Variants in CADPS2 observed in about 807,000 individuals in gnomAD.
CADPS2 encodes calcium dependent secretion activator 2.
CADPS2 carries 93 observed loss-of-function variants against 172.5 expected under a neutral mutation model. The ratio of observed to expected loss-of-function variants is 0.54; its 90% CI spans 0.46 to 0.64. The LOEUF (loss-of-function observed/expected upper bound fraction) is 0.64, where lower values mean the gene tolerates loss of function less well. Among genes scored for constraint, CADPS2 ranks in the 30% least tolerant of loss-of-function variants. CADPS2 has a pLI of 0.00. For synonymous variants in CADPS2, 546 were observed against 555.2 expected, an observed-to-expected ratio of 0.98 and a Z score of 0.23; for missense variants, 1,420 against 1,565.9, an observed-to-expected ratio of 0.91 and a Z score of 1.57.
intron 2 of CADPS2, among the ~76,000 whole-genome samples, chr7:122,723,025 T>C (rs1487604955): frequency 6.6e-6 from 1 of 151,942 alleles, no homozygotes; most frequent in Non-Finnish European, 1.5e-5. Flanking sequence ...ATACAAAAAT[T>C]AATTCAAGAT....
At chr7:122,379,890 G>A (rs1432124230) in intron 24 of CADPS2, among the ~76,000 whole-genome samples, 1 of 152,076 alleles carries the variant, frequency 6.6e-6, no homozygotes, top group East Asian at 1.9e-4. Flanking sequence ...GAAATAAAAT[G>A]AGCTCCCAAT....
intron 17 of CADPS2, among the ~76,000 whole-genome samples, chr7:122,427,986 C>A (rs2049383074): frequency 6.6e-6 from 1 of 152,038 alleles, no homozygotes; most frequent in Non-Finnish European, 1.5e-5. Flanking sequence ...TAAAGTTTCG[C>A]ATGTTTTTAT....
chr7:122,353,457 T>A (rs2038953748), intron 27 of CADPS2, among the ~76,000 whole-genome samples: 1 of 152,128 alleles, frequency 6.6e-6, no homozygotes, highest in Non-Finnish European at 1.5e-5. Context: ...AGACAGTTTC[T>A]TCTTCCTTCC....
intron 7 of CADPS2, among the ~76,000 whole-genome samples, chr7:122,561,624 T>C (rs2065792894): frequency 6.6e-6 from 1 of 152,150 alleles, no homozygotes; most frequent in South Asian, 2.1e-4. Flanking sequence ...AGAGCTATTG[T>C]GTAGTAGACA....
intron 2 of CADPS2, chr7:122,701,669 G>A (rs1297057963): frequency 2.2e-6 from 1 of 450,588 alleles, no homozygotes; most frequent in Non-Finnish European, 3.9e-6. Context: ...TCAAATAGCT[G>A]GGCATGATAA....
At chr7:122,768,119 T>G (rs1201392987) in intron 1 of CADPS2, among the ~76,000 whole-genome samples, 1 of 152,028 alleles carries the variant, frequency 6.6e-6, no homozygotes, top group African/African-American at 2.4e-5. Flanking sequence ...CTTAATAAAG[T>G]GAGGTTTAAA....
At chr7:122,578,659 T>G (rs933094551) in intron 7 of CADPS2, among the ~76,000 whole-genome samples, 2 of 152,140 alleles carry the variant, frequency 1.3e-5, no homozygotes, top group Non-Finnish European at 2.9e-5. Flanking sequence ...GAGTCTGATT[T>G]TTATTCCAAA....
intron 7 of CADPS2, among the ~76,000 whole-genome samples, chr7:122,564,338 T>TC (rs1335009911): frequency 2.0e-5 from 3 of 152,168 alleles, no homozygotes; most frequent in East Asian, 3.9e-4. Context: ...GGAGTCTCAC[T>TC]CTGTTGCCCA....
Position 122,522,627 on chromosome 7 carries a change from C to T in CADPS2, c.1476-9312G>A, listed in dbSNP as rs149353974. ...ACAATAAATTATTATTAACTATAGT[C>T]ACCCTATTGTGCTATTAAACAGTAG... On this transcript the variant is annotated intron_variant, in intron 8 of 29. Transcript: ENST00000449022. Among the ~76,000 whole-genome samples the T allele has an allele frequency of 2.1e-3, 314 of 152,202 alleles. 3 individuals carry two copies. The highest frequency in any genetic ancestry group is 7.3e-3 in the African/African-American group (305 of 41,546).
chr7:122,354,127 T>C (rs1053700077), intron 27 of CADPS2: 2 of 152,198 alleles, frequency 1.3e-5, no homozygotes, highest in East Asian at 1.9e-4. Context: ...TTCACAATCA[T>C]ACAGATGCGA....
At chr7:122,566,247 T>C (rs1047105091) in intron 7 of CADPS2, among the ~76,000 whole-genome samples, 1 of 152,136 alleles carries the variant, frequency 6.6e-6, no homozygotes, top group African/African-American at 2.4e-5. Context: ...GAATGGCTAT[T>C]ATCAACAAGA....
In CADPS2 at chr7:122,424,149, T is replaced by C. The variant is rs537085707; in HGVS notation, c.2477-7985A>G. On this transcript the variant is annotated intron_variant, in intron 17 of 29. Transcript: ENST00000449022. ...ACACAAATACTAATGCCACATTTGT[T>C]TGAAAACAATAGGTCTGTGGCCTCC... 2.2e-4 allele frequency: 36 copies of C among 164,618 alleles called. No individual in the cohort carries two copies. The South Asian group carries it at 5.9e-3, about 27-fold the overall frequency. The allele number at this position is 164,618 out of a possible 1,614,324, so 10.2% of individuals were successfully genotyped here. A position where few individuals can be genotyped will look rare whatever the true frequency, so the allele number is the denominator to read the frequency against.
intron 14 of CADPS2, among the ~76,000 whole-genome samples, chr7:122,451,685 C>T (rs1331771408): frequency 2.6e-5 from 4 of 151,838 alleles, no homozygotes; most frequent in African/African-American, 7.3e-5. Context: ...TTTTAGACAG[C>T]CTTCAAGGTA....
At chr7:122,609,208 A>G (rs188529402) in intron 6 of CADPS2, among the ~76,000 whole-genome samples, 7 of 152,262 alleles carry the variant, frequency 4.6e-5, no homozygotes, top group African/African-American at 1.4e-4. Context: ...AGGGAATAAA[A>G]GACTAGTACA....
At chr7:122,781,895 G>A (rs1792829941) in intron 1 of CADPS2, among the ~76,000 whole-genome samples, 1 of 151,984 alleles carries the variant, frequency 6.6e-6, no homozygotes, top group African/African-American at 2.4e-5. Context: ...AAATAAAAAG[G>A]CTTTAATTCT....
At chr7:122,875,902 A>T (rs1215135575) in intron 1 of CADPS2, among the ~76,000 whole-genome samples, 1 of 152,202 alleles carries the variant, frequency 6.6e-6, no homozygotes, top group African/African-American at 2.4e-5. Context: ...TCTCTCTCCC[A>T]TTCCCTTGGT....
At chr7:122,683,581 A>G (rs2083297785) in intron 2 of CADPS2, among the ~76,000 whole-genome samples, 1 of 152,136 alleles carries the variant, frequency 6.6e-6, no homozygotes, top group Non-Finnish European at 1.5e-5. Flanking sequence ...CTTTCTCAAC[A>G]TATTTTTTTT....
chr7:122,842,659 TAG>T (rs1267882394), intron 1 of CADPS2, among the ~76,000 whole-genome samples: 6 of 152,214 alleles, frequency 3.9e-5, no homozygotes, highest in African/African-American at 9.6e-5. Flanking sequence ...TTTATTATGT[TAG>T]AGTTATAAGC....
At chr7:122,523,560 T>A (rs2060978610) in intron 8 of CADPS2, among the ~76,000 whole-genome samples, 1 of 152,166 alleles carries the variant, frequency 6.6e-6, no homozygotes, top group Admixed American at 6.6e-5. Flanking sequence ...TTATTCCTTT[T>A]TATTTTTAAA....
Sources: gnomAD v4.1 joint callset for allele counts (sites outside exome capture counted in the v4.1 genomes callset) on GRCh38, gnomAD v4.1.1 for gene constraint, MANE v1.5 for transcripts, NCBI Gene and HGNC (gene_info 2026-07-23, HGNC 2026-07-21) for gene names.